Variants in SLC35A3 observed in about 807,000 individuals in gnomAD.
SLC35A3 encodes the protein UDP-N-acetylglucosamine transporter.
In SLC35A3, 26 loss-of-function variants were observed where a neutral mutation model predicts 39.0. That is an observed-to-expected ratio of 0.67 (90% CI 0.49 to 0.92). SLC35A3 has a LOEUF of 0.92. SLC35A3 is among the 40% of genes least tolerant of loss of function. The pLI is 0.00. For synonymous variants in SLC35A3, 135 were observed against 133.1 expected, an observed-to-expected ratio of 1.01 and a Z score of -0.10; for missense variants, 299 against 371.6, an observed-to-expected ratio of 0.80 and a Z score of 1.61.
At chr1:99,996,951 A>C (rs1307796141) in intron 2 of SLC35A3, among the ~76,000 whole-genome samples, 5 of 152,102 alleles carry the variant, frequency 3.3e-5, no homozygotes, top group South Asian at 4.2e-4. Context: ...ATTATTGGTA[A>C]ATAATTCTAG....
rs1002754014 is a variant in SLC35A3, at chr1:100,028,173, A to T, written c.*5697A>T. The T allele has an allele frequency of 4.6e-5, 7 of 152,222 alleles. No individual in the cohort carries two copies. Among genetic ancestry groups the T allele is most frequent in the African/African-American group, 1.2e-4 (5 of 41,404 alleles). 9.4% of individuals were successfully genotyped at this position (152,222 alleles called of 1,614,324 possible). A position where few individuals can be genotyped will look rare whatever the true frequency, so the allele number is the denominator to read the frequency against. On this transcript the variant is annotated 3_prime_UTR_variant, in exon 8 of 8. Coordinates refer to ENST00000533028, the MANE Select transcript of SLC35A3 (RefSeq NM_012243.3). ...AGGCTGGTCTCAAACTCCTGACCTCAGGTGATCCGCCTGCCTCGGCCTCCC... is the reference window on the plus strand; with the variant it reads ...AGGCTGGTCTCAAACTCCTGACCTCTGGTGATCCGCCTGCCTCGGCCTCCC...
intron 1 of SLC35A3, among the ~76,000 whole-genome samples, chr1:99,971,454 C>T (rs1457671852): frequency 6.6e-6 from 1 of 151,964 alleles, no homozygotes; most frequent in Non-Finnish European, 1.5e-5. Flanking sequence ...CTACAGGCGC[C>T]CGCCGCCACG....
chr1:100,000,503 C>T (rs576906873), intron 3 of SLC35A3: 2 of 152,176 alleles, frequency 1.3e-5, no homozygotes, highest in East Asian at 3.9e-4. Flanking sequence ...CAAATATTTT[C>T]TCCCATTCTA....
rs1303804143 is a variant in SLC35A3, at chr1:100,022,774, CT to C, written c.*301del. The C allele has an allele frequency of 5.0e-6, 1 of 200,318 alleles. No individual in the cohort carries two copies. Among genetic ancestry groups the C allele is most frequent in the South Asian group, 1.8e-4 (1 of 5,558 alleles). The allele number at this position is 200,318 out of a possible 1,614,324, so 12.4% of individuals were successfully genotyped here. On this transcript the variant is annotated 3_prime_UTR_variant, in exon 8 of 8. Transcript: ENST00000533028. ...TTGCTGCAGAAATGTCCTATGCACT[CT>C]TTGCAAGAGCACACAACAAATGTCA...
At chr1:99,991,415 A>G (rs540821176) in intron 1 of SLC35A3, among the ~76,000 whole-genome samples, 1 of 152,320 alleles carries the variant, frequency 6.6e-6, no homozygotes, top group East Asian at 1.9e-4. Context: ...AAGTGCTGGG[A>G]TTACAGGCGT....
chr1:99,994,622 T>C (rs1296965151), intron 2 of SLC35A3, among the ~76,000 whole-genome samples: 3 of 152,218 alleles, frequency 2.0e-5, no homozygotes, highest in African/African-American at 7.2e-5. Flanking sequence ...CAGAACTTTA[T>C]TCCTTTTTAT....
intron 5 of SLC35A3, among the ~76,000 whole-genome samples, chr1:100,011,943 T>A (rs1659690967): frequency 6.6e-6 from 1 of 151,774 alleles, no homozygotes; most frequent in Admixed American, 6.6e-5. Context: ...TGGTCTCAAT[T>A]TCTTGACCTT....
chr1:100,004,618 G>A (rs571327395), intron 3 of SLC35A3, among the ~76,000 whole-genome samples: 17 of 151,988 alleles, frequency 1.1e-4, no homozygotes, highest in South Asian at 4.2e-4. Context: ...GTTTAGTGGT[G>A]ATGAATTTTC....
chr1:100,009,994 A>AACTAC (rs1326874554), intron 4 of SLC35A3, among the ~76,000 whole-genome samples: 2 of 152,256 alleles, frequency 1.3e-5, no homozygotes, highest in African/African-American at 4.8e-5. Flanking sequence ...TATGCTGTAG[A>AACTAC]ACTACACTGT....
At chr1:100,008,228 G>A (rs1269628584) in intron 4 of SLC35A3, 1 of 152,166 alleles carries the variant, frequency 6.6e-6, no homozygotes, top group African/African-American at 2.4e-5. Context: ...TGGGATTACA[G>A]GCGCGAGCCA....
intron 1 of SLC35A3, among the ~76,000 whole-genome samples, chr1:99,978,210 C>T (rs1657237242): frequency 6.6e-6 from 1 of 152,042 alleles, no homozygotes; most frequent in South Asian, 2.1e-4. Flanking sequence ...TTCCTCCTAC[C>T]CATACCTAGC....
At position 100,034,418 on chromosome 1, in the gene SLC35A3, A is replaced by G. The variant is rs1170401547; in HGVS notation, c.*11942A>G. ...AAATTTTTATTTGCTGTGTTCTTTT[A>G]TATGTGCAATTAATGATATTCATGT... On this transcript the variant is annotated 3_prime_UTR_variant, in exon 8 of 8. Coordinates refer to ENST00000533028, the MANE Select transcript of SLC35A3 (RefSeq NM_012243.3). 2.0e-5 allele frequency: 3 copies of G among 152,178 alleles called. No homozygotes were observed. The highest frequency in any genetic ancestry group is 2.9e-5 in the Non-Finnish European group (2 of 67,972). The allele number at this position is 152,178 out of a possible 1,614,324, so 9.4% of individuals were successfully genotyped here.
rs1474160094 is a variant in SLC35A3, at chr1:100,024,108, G to C, written c.*1632G>C. On this transcript the variant is annotated 3_prime_UTR_variant, in exon 8 of 8. Coordinates refer to ENST00000533028, the MANE Select transcript of SLC35A3 (RefSeq NM_012243.3). Reference sequence around the variant, plus strand: ...AATGAACACTGGAGCTGAGGATGCAGATTACATGAGTTATTTAATAAGTTG... The same window carrying C: ...AATGAACACTGGAGCTGAGGATGCACATTACATGAGTTATTTAATAAGTTG... The C allele has an allele frequency of 2.0e-5, 3 of 152,064 alleles. No homozygotes were observed. The highest frequency in any genetic ancestry group is 1.3e-4 in the Admixed American group (2 of 15,264). 9.4% of individuals were successfully genotyped at this position (152,064 alleles called of 1,614,324 possible). A position where few individuals can be genotyped will look rare whatever the true frequency, so the allele number is the denominator to read the frequency against.
intron 1 of SLC35A3, chr1:99,992,976 C>T (rs1658175445): frequency 6.5e-6 from 1 of 152,714 alleles, no homozygotes; most frequent in Admixed American, 6.5e-5. Context: ...GCCACCACCT[C>T]TGCTCTCATT....
intron 1 of SLC35A3, among the ~76,000 whole-genome samples, chr1:99,978,419 C>A (rs1657251406): frequency 2.6e-5 from 4 of 152,080 alleles, no homozygotes. Context: ...TGCAGCTACT[C>A]AGGAGGCTGA....
chr1:99,999,172 C>A, intron 2 of SLC35A3, 89 bp from the exon 3 acceptor site: 1 of 762,068 alleles, frequency 1.3e-6, no homozygotes, highest in Non-Finnish European at 1.9e-6. Flanking sequence ...TTTTGTTTTT[C>A]TATAGGTTAG....
rs575865591 is a variant in SLC35A3, at chr1:99,977,435, G to C, written c.-19+7273G>C. 2.1e-3 allele frequency among the ~76,000 whole-genome samples: 313 copies of C among 151,526 alleles called. 1 individual carries two copies. The highest frequency in any genetic ancestry group is 3.6e-3 in the Non-Finnish European group (243 of 67,966). ...TGTAATCTCAGCATCTCAGCTACTC[G>C]GGAGGCTGAAGCAGGAAAATCACTT... On this transcript the variant is annotated intron_variant, in intron 1 of 7. Coordinates refer to ENST00000533028, the MANE Select transcript of SLC35A3 (RefSeq NM_012243.3).
chr1:99,971,158 C>T (rs1305073188), intron 1 of SLC35A3, among the ~76,000 whole-genome samples: 2 of 152,044 alleles, frequency 1.3e-5, no homozygotes, highest in African/African-American at 4.8e-5. Context: ...TTATTCCTTC[C>T]TCAGAAATAC....
At chr1:99,995,080 G>A (rs780943961) in intron 2 of SLC35A3, among the ~76,000 whole-genome samples, 6 of 147,430 alleles carry the variant, frequency 4.1e-5, no homozygotes, top group Admixed American at 6.7e-5. Context: ...ATTTTTATGG[G>A]GTTTTTTTTT....
Sources: allele counts gnomAD v4.1 joint callset (sites outside exome capture counted in the v4.1 genomes callset), GRCh38; gene constraint gnomAD v4.1.1; transcripts MANE v1.5; gene names NCBI Gene and HGNC (gene_info 2026-07-23, HGNC 2026-07-21).